ABCD3: variants seen among roughly 807,000 people sequenced by gnomAD.
ABCD3 encodes the protein ATP binding cassette subfamily D member 3.
Under a neutral mutation model 105.5 loss-of-function variants are expected in ABCD3, and 41 were observed. That is an observed-to-expected ratio of 0.39 (90% CI 0.30 to 0.50). ABCD3 has a LOEUF of 0.50. ABCD3 is among the 20% of genes least tolerant of loss of function. The probability of loss-of-function intolerance (pLI) is 0.84; values close to 1 mark genes in which losing one functional copy is unlikely to be tolerated. For synonymous variants in ABCD3, 258 were observed against 269.0 expected, an observed-to-expected ratio of 0.96 and a Z score of 0.40; for missense variants, 622 against 806.3, an observed-to-expected ratio of 0.77 and a Z score of 2.77.
intron 1 of ABCD3, 22 bp downstream of exon 1, chr1:94,418,610 C>T: frequency 1.3e-6 from 2 of 1,576,006 alleles, no homozygotes; most frequent in Middle Eastern, 3.6e-4. Context: ...CGTAGCCGTG[C>T]AGCTTTCCCG....
At chr1:94,477,125 CTAAT>C (rs1408916250) in intron 7 of ABCD3, among the ~76,000 whole-genome samples, 2 of 143,766 alleles carry the variant, frequency 1.4e-5, no homozygotes, top group Non-Finnish European at 3.0e-5. Context: ...TTTTAAACAT[CTAAT>C]TGACCTCCAA....
rs756063558 is a variant in ABCD3 at position 94,418,538 on chromosome 1, C to A, written c.60C>A (p.Phe20Leu). The A allele has an allele frequency of 4.5e-5, 73 of 1,605,594 alleles. 6 individuals carry two copies. In the South Asian group the frequency reaches 8.0e-4, roughly 18 times the overall value. ...ACTCCTCGCTGGCTGGTGCCGCGTTCCTGCTGCTCTGCCTGCTCCACAAGC... is the reference window on the plus strand; with the variant it reads ...ACTCCTCGCTGGCTGGTGCCGCGTTACTGCTGCTCTGCCTGCTCCACAAGC... The part of the protein sequence containing the change: ...ARNSSLAGAA[F>L]LLLCLLHKRR... Residue 20 changes from phenylalanine to leucine, a missense_variant, in exon 1 of 23, where the codon TTC (phenylalanine) becomes TTA (leucine). Phe to Leu is a conservative substitution (Grantham distance 22). This residue lies in a region of ABCD3 where 89 missense variants were observed against 77.5 expected (regional missense o/e 1.15). Coordinates refer to ENST00000370214, the MANE Select transcript of ABCD3 (RefSeq NM_002858.4).
At chr1:94,390,194 A>T in the ABCD3 span, among the ~76,000 whole-genome samples, 2 of 152,302 alleles carry the variant, frequency 1.3e-5, no homozygotes, top group South Asian at 4.2e-4. Context: ...GGTTAAATTC[A>T]CCCTCATTAC....
intron 10 of ABCD3, among the ~76,000 whole-genome samples, chr1:94,486,768 C>A (rs1013256918): frequency 6.6e-6 from 1 of 152,114 alleles, no homozygotes; most frequent in African/African-American, 2.4e-5. Flanking sequence ...AATATAGATA[C>A]CTTAGAAGAA....
In ABCD3 at chr1:94,517,321, G is replaced by A. The variant is rs1429718546; in HGVS notation, c.*192G>A. The stretch of plus-strand genomic sequence containing the variant: ...AATATTATATAGGATATTGCTAATT[G>A]TGTATATGTTGGTTTAATTAATAAT... On this transcript the variant is annotated 3_prime_UTR_variant, in exon 23 of 23. Coordinates refer to ENST00000370214, the MANE Select transcript of ABCD3 (RefSeq NM_002858.4). The A allele has an allele frequency of 1.9e-6, 1 of 526,662 alleles. No individual in the cohort carries two copies. The highest frequency in any genetic ancestry group is 3.1e-5 in the Admixed American group (1 of 31,890). The allele number at this position is 526,662 out of a possible 1,614,324, so 32.6% of individuals were successfully genotyped here.
At chr1:94,466,879 A>G (rs1022230476) in intron 3 of ABCD3, among the ~76,000 whole-genome samples, 1 of 152,152 alleles carries the variant, frequency 6.6e-6, no homozygotes, top group Non-Finnish European at 1.5e-5. Flanking sequence ...CCAGCTTCCC[A>G]CCCTCTGCAG....
At chr1:94,420,461 T>C (rs1234904906) in intron 1 of ABCD3, among the ~76,000 whole-genome samples, 1 of 152,102 alleles carries the variant, frequency 6.6e-6, no homozygotes, top group Non-Finnish European at 1.5e-5. Context: ...TTGAGAAACT[T>C]TGTGAGCTTT....
chr1:94,441,883 G>T (rs1041774936), intron 1 of ABCD3, among the ~76,000 whole-genome samples: 2 of 152,112 alleles, frequency 1.3e-5, no homozygotes, highest in African/African-American at 4.8e-5. Context: ...AAAGGAGGGG[G>T]TGGTTGAACA....
At chr1:94,418,873 CCAGTTGGGGGTGGGAGGGGGATG>C (rs1200363723) in intron 1 of ABCD3, 14 of 506,344 alleles carry the variant, frequency 2.8e-5, no homozygotes. Flanking sequence ...GCAGCGGCCT[CCAGTTGGGGGTGGGAGGGGGATG>C]CGGTGTGTCC....
intron 1 of ABCD3, among the ~76,000 whole-genome samples, chr1:94,443,595 T>G (rs1570751505): frequency 1.3e-5 from 2 of 152,228 alleles, no homozygotes; most frequent in East Asian, 1.9e-4. Context: ...GCTTATCAGC[T>G]TCTGGGATTT....
At chr1:94,401,471 A>T in the ABCD3 span, among the ~76,000 whole-genome samples, 11 of 152,346 alleles carry the variant, frequency 7.2e-5, no homozygotes, top group African/African-American at 2.4e-4. Flanking sequence ...TCTGAATCAC[A>T]TACTGGTTAG....
At chr1:94,474,641 G>A (rs946691923) in intron 5 of ABCD3, among the ~76,000 whole-genome samples, 2 of 151,424 alleles carry the variant, frequency 1.3e-5, no homozygotes, top group Non-Finnish European at 2.9e-5. Context: ...GAGAAAATTT[G>A]TAATGTAACG....
chr1:94,456,339 A>G (rs187953841), intron 1 of ABCD3, among the ~76,000 whole-genome samples: 306 of 127,370 alleles, frequency 2.4e-3, no homozygotes, highest in South Asian at 3.1e-3. Context: ...CAGTGGCACA[A>G]TCTCAGCTTG....
At chr1:94,449,519 C>A (rs549496732) in intron 1 of ABCD3, among the ~76,000 whole-genome samples, 2 of 152,174 alleles carry the variant, frequency 1.3e-5, no homozygotes, top group Non-Finnish European at 2.9e-5. Flanking sequence ...CACTCTATGA[C>A]ACAGTTACAC....
the ABCD3 span, among the ~76,000 whole-genome samples, chr1:94,386,204 G>A: frequency 2.6e-5 from 4 of 152,228 alleles, no homozygotes; most frequent in Non-Finnish European, 5.9e-5. Context: ...ATGGGTAGAA[G>A]GGTGGTGGGA....
chr1:94,393,503 G>T, the ABCD3 span, among the ~76,000 whole-genome samples: 17 of 152,002 alleles, frequency 1.1e-4, no homozygotes, highest in Admixed American at 9.8e-4. Context: ...GCCAGGCTTG[G>T]TGGTGCATGC....
chr1:94,466,634 T>C (rs1648151896), intron 3 of ABCD3, among the ~76,000 whole-genome samples: 1 of 152,222 alleles, frequency 6.6e-6, no homozygotes, highest in Non-Finnish European at 1.5e-5. Flanking sequence ...GCTTAATGCT[T>C]ATCTTTTTTG....
intron 1 of ABCD3, among the ~76,000 whole-genome samples, chr1:94,449,526 A>G (rs554678777): frequency 6.6e-6 from 1 of 152,342 alleles, no homozygotes; most frequent in Admixed American, 6.5e-5. Flanking sequence ...TGACACAGTT[A>G]CACATGCTTT....
the ABCD3 span, among the ~76,000 whole-genome samples, chr1:94,398,628 T>C: frequency 2.0e-5 from 3 of 152,132 alleles, no homozygotes; most frequent in Non-Finnish European, 2.9e-5. Flanking sequence ...AAAACTTAGA[T>C]ATAGGCTGGG....
Sources: allele counts gnomAD v4.1 joint callset (sites outside exome capture counted in the v4.1 genomes callset), GRCh38; gene constraint gnomAD v4.1.1; regional missense constraint gnomAD v4.1.1; transcripts MANE v1.5; gene names NCBI Gene and HGNC (gene_info 2026-07-23, HGNC 2026-07-21).